The following CACNA1D variants were observed in gnomAD, a reference collection of about 807,000 sequenced individuals.
CACNA1D encodes voltage-dependent L-type calcium channel subunit alpha-1D.
In CACNA1D, 55 loss-of-function variants were observed where a neutral mutation model predicts 257.1. The observed-to-expected ratio is 0.21, with a 90% confidence interval of 0.17 to 0.27. The LOEUF (loss-of-function observed/expected upper bound fraction) is 0.27, where lower values mean the gene tolerates loss of function less well. CACNA1D is among the 10% of genes least tolerant of loss of function. CACNA1D has a pLI of 1.00. For synonymous variants in CACNA1D, 980 were observed against 1,014.9 expected (o/e 0.97, Z 0.65); for missense variants, 1,876 against 2,784.0 (o/e 0.67, Z 7.34).
intron 3 of CACNA1D, among the ~76,000 whole-genome samples, chr3:53,623,469 A>G (rs1006634223): frequency 7.2e-5 from 11 of 152,228 alleles, no homozygotes; most frequent in Admixed American, 5.9e-4. Context: ...CAATTTAGGT[A>G]GTGGAATTGT....
Position 53,776,702 on chromosome 3 carries a change from A to T in CACNA1D, c.4462A>T (p.Ile1488Leu), listed in dbSNP as rs1417347924. ...TCACCATTTAGATGAATTCAAAAGA[A>T]TATGGTCAGAATATGACCCTGAGGC... ...GPHHLDEFKR[I>L]WSEYDPEAKG... The change falls in exon 36 of 48, where the codon ATA becomes TTA. Residue 1488 changes from isoleucine (I) to leucine (L), a missense_variant. Coordinates refer to ENST00000350061, the MANE Select transcript of CACNA1D (RefSeq NM_001128840.3). The T allele has an allele frequency of 6.2e-7, 1 of 1,614,242 alleles. No homozygotes were observed. Among genetic ancestry groups the T allele is most frequent in the Non-Finnish European group, 8.5e-7 (1 of 1,180,044 alleles).
At chr3:53,575,207 G>A (rs1465761600) in intron 3 of CACNA1D, among the ~76,000 whole-genome samples, 2 of 152,174 alleles carry the variant, frequency 1.3e-5, no homozygotes, top group Admixed American at 1.3e-4. Context: ...CGTGATACCC[G>A]ATCTGTGCAC....
At chr3:53,770,109 A>C in intron 31 of CACNA1D, 92 bp downstream of exon 31, 3 of 1,058,836 alleles carry the variant, frequency 2.8e-6, no homozygotes, top group Non-Finnish European at 4.4e-6. Context: ...TGTATTCTCC[A>C]TGATTGTCCT....
At chr3:53,698,690 T>G (rs2094593927) in intron 8 of CACNA1D, among the ~76,000 whole-genome samples, 1 of 152,256 alleles carries the variant, frequency 6.6e-6, no homozygotes, top group Non-Finnish European at 1.5e-5. Context: ...CTTGATTCCT[T>G]TGGCCTAATT....
At chr3:53,716,973 T>C (rs2108674772) in intron 9 of CACNA1D, among the ~76,000 whole-genome samples, 1 of 152,348 alleles carries the variant, frequency 6.6e-6, no homozygotes, top group Non-Finnish European at 1.5e-5. Flanking sequence ...AGCTGCCTGA[T>C]CCAGCTCCTT....
intron 39 of CACNA1D, chr3:53,782,659 G>A (rs1249819209): frequency 2.0e-5 from 3 of 152,204 alleles, no homozygotes; most frequent in Non-Finnish European, 2.9e-5. Context: ...AGCATGAAGC[G>A]AGAAGCAACG....
chr3:53,559,699 A>G (rs918543447), intron 3 of CACNA1D, among the ~76,000 whole-genome samples: 1 of 152,188 alleles, frequency 6.6e-6, no homozygotes, highest in Non-Finnish European at 1.5e-5. Flanking sequence ...GTGAGCCCAC[A>G]TGTTAATATG....
intron 23 of CACNA1D, among the ~76,000 whole-genome samples, 189 bp from the exon 24 acceptor site, chr3:53,745,435 T>G (rs571779639): frequency 2.0e-4 from 30 of 152,136 alleles, no homozygotes; most frequent in Non-Finnish European, 4.1e-4. Context: ...CAGATGGGGT[T>G]TCACCATGTT....
Position 53,722,462 on chromosome 3 carries a change from A to G in CACNA1D, c.1654A>G (p.Thr552Ala). 1 of 1,614,190 alleles carries G rather than the reference A, an allele frequency of 6.2e-7. No homozygotes were observed. Among genetic ancestry groups the G allele is most frequent in the Non-Finnish European group, 8.5e-7 (1 of 1,180,032 alleles). Residue 552 changes from threonine (T) to alanine (A), a missense_variant, in exon 12 of 48, where the codon ACA becomes GCA. By Grantham distance (58) the Thr-to-Ala change is moderately conservative. Around this residue, in one of 10 missense-constraint regions of CACNA1D, gnomAD observed 257 missense variants for 399.7 expected, o/e 0.64. Transcript: ENST00000350061. ...GCACTACAATCAGCCAGATTGGTTG[A>G]CACAGATTCAAGGTACAAGCAGAGG... is the stretch of plus-strand genomic sequence containing the variant. ...SEHYNQPDWL[T>A]QIQDIANKVL...
chr3:53,592,574 A>G (rs2093320165), intron 3 of CACNA1D, among the ~76,000 whole-genome samples: 2 of 152,164 alleles, frequency 1.3e-5, no homozygotes, highest in Non-Finnish European at 1.5e-5. Context: ...TAACTCATTC[A>G]TAGGAGGAGG....
In CACNA1D at chr3:53,794,531, G is replaced by A. The variant is rs2095499149; in HGVS notation, c.4924-5718G>A. 5.3e-5 allele frequency among the ~76,000 whole-genome samples: 8 copies of A among 152,278 alleles called. No homozygotes were observed. In the South Asian group the frequency reaches 1.5e-3, roughly 28 times the overall value. On this transcript the variant is annotated intron_variant, in intron 40 of 47. Coordinates refer to ENST00000350061, the MANE Select transcript of CACNA1D (RefSeq NM_001128840.3). ...CAGAAGAGTGGGAATCCTAGATGGGGTAAAAAAGTCTACACCTGAGGAAAA... is the reference window on the plus strand; with the variant it reads ...CAGAAGAGTGGGAATCCTAGATGGGATAAAAAAGTCTACACCTGAGGAAAA...
intron 3 of CACNA1D, among the ~76,000 whole-genome samples, chr3:53,611,479 C>G (rs1338815860): frequency 6.6e-6 from 1 of 152,134 alleles, no homozygotes; most frequent in Non-Finnish European, 1.5e-5. Context: ...TTCTTGATAT[C>G]AGTTTTTGGG....
chr3:53,566,616 C>CT (rs1638946748), intron 3 of CACNA1D, among the ~76,000 whole-genome samples: 1 of 152,140 alleles, frequency 6.6e-6, no homozygotes, highest in African/African-American at 2.4e-5. Context: ...ACTGCTGTTT[C>CT]TTCCACACAT....
At chr3:53,539,013 GTT>G in intron 3 of CACNA1D, among the ~76,000 whole-genome samples, 1 of 151,952 alleles carries the variant, frequency 6.6e-6, no homozygotes, top group African/African-American at 2.4e-5. Context: ...TTTCTTTCCT[GTT>G]TGATCATTTA....
At chr3:53,683,024 C>T (rs557740773) in intron 8 of CACNA1D, among the ~76,000 whole-genome samples, 74 of 152,256 alleles carry the variant, frequency 4.9e-4, no homozygotes, top group South Asian at 2.7e-3. Context: ...CAGCAGAGAA[C>T]GATGGTCTAT....
intron 29 of CACNA1D, among the ~76,000 whole-genome samples, chr3:53,756,922 G>A (rs531750541): frequency 1.8e-3 from 278 of 152,254 alleles, no homozygotes; most frequent in African/African-American, 4.9e-3. Flanking sequence ...GCCATACTTC[G>A]TTCCCATCTT....
At chr3:53,730,666 T>C (rs1576485289) in intron 16 of CACNA1D, 110 bp downstream of exon 16, 1 of 809,524 alleles carries the variant, frequency 1.2e-6, no homozygotes, top group East Asian at 2.7e-5. Context: ...AGCCCCCGGG[T>C]TGCTGCTTTG....
rs915497979 is a variant in CACNA1D, at chr3:53,510,435, T to A, written c.483+8715T>A. Among the ~76,000 whole-genome samples the A allele has an allele frequency of 3.3e-5, 5 of 152,366 alleles. No individual in the cohort carries two copies. The South Asian group carries it at 1.0e-3, about 32-fold the overall frequency. The stretch of plus-strand genomic sequence containing the variant: ...TGGTGTAAAATATTCCATGTATGAA[T>A]GTACCACAGTTTATTTGTTTTCTTT... On this transcript the variant is annotated intron_variant, in intron 3 of 47. Coordinates refer to ENST00000350061, the MANE Select transcript of CACNA1D (RefSeq NM_001128840.3).
At chr3:53,629,153 GC>G (rs1201314402) in intron 3 of CACNA1D, among the ~76,000 whole-genome samples, 6 of 152,238 alleles carry the variant, frequency 3.9e-5, no homozygotes, top group Non-Finnish European at 8.8e-5. Flanking sequence ...TGGCAGTAAA[GC>G]TTTATTTACG....
Sources: allele counts gnomAD v4.1 joint callset (sites outside exome capture counted in the v4.1 genomes callset), GRCh38; gene constraint gnomAD v4.1.1; regional missense constraint gnomAD v4.1.1; transcripts MANE v1.5; gene names NCBI Gene and HGNC (gene_info 2026-07-23, HGNC 2026-07-21).